SMIM13: variants seen among roughly 807,000 people sequenced by gnomAD.
SMIM13 encodes UPF0766 protein C6orf228.
Under a neutral mutation model 5.9 loss-of-function variants are expected in SMIM13, and 3 were observed. The observed-to-expected ratio is 0.51, with a 90% CI of 0.23 to 1.31. SMIM13 has a LOEUF of 1.31. Ranked by LOEUF, SMIM13 falls within the 40% of genes most tolerant of loss-of-function variation. The probability of loss-of-function intolerance (pLI) is 0.18; values close to 1 mark genes in which losing one functional copy is unlikely to be tolerated. For missense variants in SMIM13, 85 were observed against 109.9 expected (o/e 0.77, Z 1.01); for synonymous variants, 55 against 46.0 (o/e 1.19, Z -0.79).
At chr6:11,125,872 C>G (rs1159264491) in intron 1 of SMIM13, among the ~76,000 whole-genome samples, 1 of 152,114 alleles carries the variant, frequency 6.6e-6, no homozygotes, top group Non-Finnish European at 1.5e-5. Context: ...ATACTTTTCT[C>G]TACGTTTGAG....
At chr6:11,096,305 G>T (rs1248113451) in intron 1 of SMIM13, among the ~76,000 whole-genome samples, 2 of 152,184 alleles carry the variant, frequency 1.3e-5, no homozygotes, top group Admixed American at 6.5e-5. Flanking sequence ...TCACAATAGG[G>T]TTTGTGCTCC....
intron 1 of SMIM13, among the ~76,000 whole-genome samples, chr6:11,133,199 A>G (rs965966070): frequency 6.6e-6 from 1 of 152,198 alleles, no homozygotes; most frequent in Non-Finnish European, 1.5e-5. Context: ...CTAATTTGGA[A>G]TATCATTAAA....
intron 1 of SMIM13, among the ~76,000 whole-genome samples, chr6:11,121,243 T>C (rs545050591): frequency 6.6e-6 from 1 of 152,324 alleles, no homozygotes; most frequent in African/African-American, 2.4e-5. Context: ...TCCTTTCTTC[T>C]TTCACTCTCT....
rs68092921 is a variant in SMIM13, at chr6:11,116,982, C to CTTTTTTTTTTTTTTT, written c.77-17408_77-17394dup. Among the ~76,000 whole-genome samples, 11 of 46,452 alleles carry CTTTTTTTTTTTTTTT rather than the reference C, an allele frequency of 2.4e-4. 1 individual carries two copies. Among genetic ancestry groups the CTTTTTTTTTTTTTTT allele is most frequent in the African/African-American group, 5.4e-4 (6 of 11,162 alleles). The allele number at this position is 46,452 out of a possible 152,430, so 30.5% of individuals were successfully genotyped here. On this transcript the variant is annotated intron_variant, in intron 1 of 1. Transcript: ENST00000416247. ...AATAGACATTTAATGATAATTGTTT[C>CTTTTTTTTTTTTTTT]TTTTTTTTTTTTTTTTTTTTTTTTT...
At chr6:11,122,900 T>G (rs149539779) in intron 1 of SMIM13, among the ~76,000 whole-genome samples, 3 of 152,092 alleles carry the variant, frequency 2.0e-5, no homozygotes, top group African/African-American at 7.2e-5. Flanking sequence ...TCTACTCCCC[T>G]CTTAAATCTC....
intron 1 of SMIM13, among the ~76,000 whole-genome samples, chr6:11,133,592 G>T (rs72825150): frequency 0.027 from 4,152 of 152,266 alleles, 70 homozygotes; most frequent in South Asian, 0.073. Flanking sequence ...GCGTGGTTAA[G>T]TTAGTTAATT....
intron 1 of SMIM13, among the ~76,000 whole-genome samples, chr6:11,098,428 G>A (rs1487159139): frequency 6.6e-6 from 1 of 152,082 alleles, no homozygotes; most frequent in Non-Finnish European, 1.5e-5. Context: ...AACATTTAAC[G>A]TTTCTTTTAT....
chr6:11,124,163 T>C (rs1397449318), intron 1 of SMIM13, among the ~76,000 whole-genome samples: 1 of 152,240 alleles, frequency 6.6e-6, no homozygotes, highest in African/African-American at 2.4e-5. Flanking sequence ...TTCAGTACCG[T>C]TCCCAGCCTC....
In SMIM13 at chr6:11,138,005, G is replaced by T. The variant is rs1041477690; in HGVS notation, c.*3403G>T. 2 of 152,184 alleles carry T rather than the reference G, an allele frequency of 1.3e-5. No individual in the cohort carries two copies. The highest frequency in any genetic ancestry group is 2.9e-5 in the Non-Finnish European group (2 of 68,006). The allele number at this position is 152,184 out of a possible 1,614,324, so 9.4% of individuals were successfully genotyped here. On this transcript the variant is annotated 3_prime_UTR_variant, in exon 2 of 2. Transcript: ENST00000416247. The stretch of plus-strand genomic sequence containing the variant: ...CACAAAATATGATATCTTAAAACAT[G>T]TTGAAAGATTTGAAAGTGGTGCATT...
intron 1 of SMIM13, chr6:11,104,570 G>C (rs762706096): frequency 4.4e-6 from 7 of 1,609,050 alleles, no homozygotes; most frequent in Non-Finnish European, 5.9e-6. Flanking sequence ...TTTGGCTCTG[G>C]TTAGCTCCCT....
At chr6:11,118,067 C>T (rs995331786) in intron 1 of SMIM13, among the ~76,000 whole-genome samples, 1 of 152,152 alleles carries the variant, frequency 6.6e-6, no homozygotes, top group Non-Finnish European at 1.5e-5. Flanking sequence ...GATGGGGTTT[C>T]GCCATGTTGG....
intron 1 of SMIM13, among the ~76,000 whole-genome samples, chr6:11,096,719 G>A (rs549799647): frequency 8.3e-6 from 1 of 119,968 alleles, no homozygotes; most frequent in Admixed American, 7.6e-5. Flanking sequence ...CTTTTTTTGA[G>A]TTGGAGTTTC....
In SMIM13 at chr6:11,135,765, T is replaced by G. The variant is rs1425527871; in HGVS notation, c.*1163T>G. The G allele has an allele frequency of 1.3e-5, 2 of 152,364 alleles. No homozygotes were observed. Among genetic ancestry groups the G allele is most frequent in the Non-Finnish European group, 2.9e-5 (2 of 68,038 alleles). 9.4% of individuals were successfully genotyped at this position (152,364 alleles called of 1,614,324 possible). On this transcript the variant is annotated 3_prime_UTR_variant, in exon 2 of 2. Coordinates refer to ENST00000416247, the MANE Select transcript of SMIM13 (RefSeq NM_001135575.2). ...GCACAAGATTGATGTGATAAAAATCTGTTTAACTCAAAGCGCTGTTTCAAT... is the reference window on the plus strand; with the variant it reads ...GCACAAGATTGATGTGATAAAAATCGGTTTAACTCAAAGCGCTGTTTCAAT...
At chr6:11,128,145 G>C (rs1758401993) in intron 1 of SMIM13, among the ~76,000 whole-genome samples, 1 of 152,166 alleles carries the variant, frequency 6.6e-6, no homozygotes, top group African/African-American at 2.4e-5. Flanking sequence ...AGGCCAACAT[G>C]GCTCTGAGTC....
chr6:11,106,292 A>G (rs1014676402), intron 1 of SMIM13, among the ~76,000 whole-genome samples: 1 of 152,238 alleles, frequency 6.6e-6, no homozygotes, highest in African/African-American at 2.4e-5. Context: ...AACCTGTGGT[A>G]TGCAGGGAGC....
chr6:11,097,617 G>A (rs538425303), intron 1 of SMIM13, among the ~76,000 whole-genome samples: 3 of 150,034 alleles, frequency 2.0e-5, no homozygotes, highest in South Asian at 2.1e-4. Context: ...GCAGTGAGCC[G>A]ACATTGCACC....
intron 1 of SMIM13, among the ~76,000 whole-genome samples, chr6:11,113,990 AT>A (rs1198923090): frequency 8.2e-6 from 1 of 121,270 alleles, no homozygotes; most frequent in African/African-American, 3.5e-5. Flanking sequence ...TTTTTTTTTA[AT>A]TTTTTTGAGA....
chr6:11,136,462 A>C lies in SMIM13; in HGVS notation c.*1860A>C, dbSNP rs1382438150. ...AAGGACTAGTCATCACAAAATATCTATTTAACCTCTATTTTATGATGGTGT... is the reference window on the plus strand; with the variant it reads ...AAGGACTAGTCATCACAAAATATCTCTTTAACCTCTATTTTATGATGGTGT... On this transcript the variant is annotated 3_prime_UTR_variant, in exon 2 of 2. Transcript: ENST00000416247. 6.6e-6 allele frequency: 1 copy of C among 152,172 alleles called. No individual in the cohort carries two copies. The highest frequency in any genetic ancestry group is 1.9e-4 in the East Asian group (1 of 5,194). The allele number at this position is 152,172 out of a possible 1,614,324, so 9.4% of individuals were successfully genotyped here. A position where few individuals can be genotyped will look rare whatever the true frequency, so the allele number is the denominator to read the frequency against.
At chr6:11,113,970 C>CTTTTTTTTTTTT (rs558822118) in intron 1 of SMIM13, among the ~76,000 whole-genome samples, 1 of 144,306 alleles carries the variant, frequency 6.9e-6, no homozygotes, top group African/African-American at 2.6e-5. Context: ...TAAAGTTATT[C>CTTTTTTTTTTTT]TTTTTGTTTT....
Sources: allele counts gnomAD v4.1 joint callset (sites outside exome capture counted in the v4.1 genomes callset), GRCh38; gene constraint gnomAD v4.1.1; transcripts MANE v1.5; gene names NCBI Gene and HGNC (gene_info 2026-07-23, HGNC 2026-07-21).